Variants in LSM5 observed in about 807,000 individuals in gnomAD.
LSM5 encodes LSM5 homolog, U6 small nuclear RNA and mRNA degradation associated.
In LSM5, 8 loss-of-function variants were observed where a neutral mutation model predicts 13.8. The ratio of observed to expected loss-of-function variants is 0.58; its 90% CI spans 0.34 to 1.04. The LOEUF is 1.04. Among genes scored for constraint, LSM5 ranks in the 50% least tolerant of loss-of-function variants. The pLI is 0.03. For synonymous variants in LSM5, 35 were observed against 37.0 expected (o/e 0.95, Z 0.20); for missense variants, 80 against 108.1 (o/e 0.74, Z 1.15).
upstream of LSM5, chr7:32,495,049 C>G (rs73689721): frequency 0.046 from 7,032 of 152,110 alleles, 504 homozygotes; most frequent in African/African-American, 0.16. Context: ...GCCACAGAGG[C>G]AAAGGCAAGG....
chr7:32,488,013 C>A, intron 3 of LSM5: 1 of 418,976 alleles, frequency 2.4e-6, no homozygotes, highest in South Asian at 2.9e-5. Flanking sequence ...GAAAGCTTGC[C>A]CAGGAAATCA....
Position 32,490,338 on chromosome 7 carries a change from A to T in LSM5, c.28T>A (p.Ser10Thr). The change falls in exon 1 of 5, where the codon TCG (serine) becomes ACG (threonine). Residue 10 changes from serine (S) to threonine (T), a missense_variant. Coordinates refer to ENST00000450169, the MANE Select transcript of LSM5 (RefSeq NM_012322.3). ...CGATTACCTAAGGGCAGCAGCTGCGACGGGTTGGTAGTAGCGTTAGCCGCC... is the reference window on the plus strand; with the variant it reads ...CGATTACCTAAGGGCAGCAGCTGCGTCGGGTTGGTAGTAGCGTTAGCCGCC... MAANATTNP[S>T]QLLPLELVDK... The T allele has an allele frequency of 6.2e-7, 1 of 1,614,148 alleles. No individual in the cohort carries two copies. The highest frequency in any genetic ancestry group is 8.5e-7 in the Non-Finnish European group (1 of 1,180,010).
At chr7:32,491,232 A>C (rs1477000339), upstream of LSM5, among the ~76,000 whole-genome samples, 1 of 152,146 alleles carries the variant, frequency 6.6e-6, no homozygotes, top group Non-Finnish European at 1.5e-5. Flanking sequence ...CCCCGTCTCT[A>C]CTAAAAATAC....
At position 32,487,269 on chromosome 7, in the gene LSM5, C is replaced by T; in HGVS notation, c.268G>A (p.Glu90Lys). Residue 90 changes from glutamate (E) to lysine (K), a missense_variant, in exon 5 of 5, where the codon GAA (glutamate) becomes AAA (lysine). By Grantham distance (56) the Glu-to-Lys change is moderately conservative (BLOSUM62 1). Transcript: ENST00000450169. ...TMLVPGGEGP[E>K]V ...AAGTCAAGGAAACTCATTCACACTT[C>T]AGGTCCTTCTCCTCCAGGAACCAGC... 1 of 1,613,766 alleles carries T rather than the reference C, an allele frequency of 6.2e-7. No individual in the cohort carries two copies.
upstream of LSM5, among the ~76,000 whole-genome samples, chr7:32,494,721 G>T (rs1018930079): frequency 3.3e-5 from 5 of 152,202 alleles, no homozygotes; most frequent in African/African-American, 9.7e-5. Flanking sequence ...TGACAACAGA[G>T]CCCATATATT....
At position 32,490,343 on chromosome 7, in the gene LSM5, T is replaced by C; in HGVS notation, c.23A>G (p.Asn8Ser). The C allele has an allele frequency of 3.1e-6, 5 of 1,614,014 alleles. No individual in the cohort carries two copies. Among genetic ancestry groups the C allele is most frequent in the East Asian group, 2.2e-5 (1 of 44,868 alleles). ...ACCTAAGGGCAGCAGCTGCGACGGG[T>C]TGGTAGTAGCGTTAGCCGCCATGGC... is the stretch of plus-strand genomic sequence containing the variant. MAANATT[N>S]PSQLLPLELV... is the part of the protein sequence containing the mutation. The change falls in exon 1 of 5, where the codon AAC (asparagine) becomes AGC (serine). Residue 8 changes from asparagine to serine, a missense_variant. Transcript: ENST00000450169.
chr7:32,493,046 T>C (rs539402432), upstream of LSM5, among the ~76,000 whole-genome samples: 10 of 152,330 alleles, frequency 6.6e-5, no homozygotes, highest in East Asian at 1.9e-3. Flanking sequence ...CAGGCAACTG[T>C]AGCCCCAGCT....
At chr7:32,488,847 G>A (rs958979691) in intron 2 of LSM5, among the ~76,000 whole-genome samples, 195 bp from the exon 3 acceptor site, 2 of 152,100 alleles carry the variant, frequency 1.3e-5, no homozygotes, top group Admixed American at 6.5e-5. Flanking sequence ...CCTTAGCCCC[G>A]GAGATTAGCT....
At chr7:32,492,046 G>C (rs1427023133), upstream of LSM5, among the ~76,000 whole-genome samples, 3 of 152,146 alleles carry the variant, frequency 2.0e-5, no homozygotes, top group Non-Finnish European at 4.4e-5. Context: ...ACGAAGTAAT[G>C]CCAGATTTGT....
At chr7:32,491,261 G>T (rs530002010), upstream of LSM5, among the ~76,000 whole-genome samples, 1 of 152,240 alleles carries the variant, frequency 6.6e-6, no homozygotes, top group South Asian at 2.1e-4. Flanking sequence ...GCTGGGCGTG[G>T]TGGCGTGCGC....
upstream of LSM5, among the ~76,000 whole-genome samples, chr7:32,491,157 A>G (rs1786575694): frequency 6.6e-6 from 1 of 152,214 alleles, no homozygotes; most frequent in African/African-American, 2.4e-5. Flanking sequence ...GCACTTTGGA[A>G]GGCCGAGGCG....
chr7:32,488,329 C>A (rs760756552), intron 3 of LSM5: 10 of 308,212 alleles, frequency 3.2e-5, no homozygotes, highest in Non-Finnish European at 4.7e-5. Flanking sequence ...GCCACCATGT[C>A]CAGCCTAAAT....
intron 4 of LSM5, 70 bp downstream of exon 4, chr7:32,487,615 G>T: frequency 1.2e-6 from 1 of 841,720 alleles, no homozygotes; most frequent in Non-Finnish European, 2.1e-6. Context: ...CAACATTAAG[G>T]TTAGTTCTGT....
chr7:32,488,671 AAAAT>A lies in LSM5; in HGVS notation c.143-23_143-20del, dbSNP rs772284851. The A allele has an allele frequency of 4.5e-6, 7 of 1,562,888 alleles. No homozygotes were observed. The highest frequency in any genetic ancestry group is 4.1e-5 in the African/African-American group (3 of 73,876). Reference sequence around the variant, plus strand: ...ACCATATCTGAAATTTGGTGTTAAGAAAATAAATACAGAATTTACTCTAGCTTCT... The same window carrying A: ...ACCATATCTGAAATTTGGTGTTAAGAAAATACAGAATTTACTCTAGCTTCT... On this transcript the variant is annotated intron_variant, in intron 2 of 4. Transcript: ENST00000450169.
chr7:32,490,129 G>T (rs201264782), intron 1 of LSM5, 191 bp downstream of exon 1: 1 of 1,536,636 alleles, frequency 6.5e-7, no homozygotes. Context: ...CAAAGTCCTT[G>T]CCTGGAGGAG....
chr7:32,487,814 T>C, intron 3 of LSM5, 57 bp from the exon 4 acceptor site: 1 of 884,064 alleles, frequency 1.1e-6, no homozygotes, highest in South Asian at 1.3e-5. Context: ...AGCCAACATT[T>C]TGGAAATACT....
rs1319559490 is a variant in LSM5 at position 32,486,806 on chromosome 7, TACAAA to T, written c.*450_*454del. 4 of 178,396 alleles carry T rather than the reference TACAAA, an allele frequency of 2.2e-5. No homozygotes were observed. The highest frequency in any genetic ancestry group is 3.5e-5 in the Non-Finnish European group (3 of 86,056). The allele number at this position is 178,396 out of a possible 1,614,324, so 11.1% of individuals were successfully genotyped here. ...TTGAAATCAGAAGAAAAATCCTCATTACAAAACAACAGCATTTTAATTGAATTTTC... is the reference window on the plus strand; with the variant it reads ...TTGAAATCAGAAGAAAAATCCTCATTACAACAGCATTTTAATTGAATTTTC... On this transcript the variant is annotated 3_prime_UTR_variant, in exon 5 of 5. Transcript: ENST00000450169.
At chr7:32,494,664 T>TA (rs1271221857), upstream of LSM5, among the ~76,000 whole-genome samples, 3 of 152,198 alleles carry the variant, frequency 2.0e-5, no homozygotes, top group Non-Finnish European at 2.9e-5. Flanking sequence ...ATTCACTGCT[T>TA]AAAAAAGAAT....
intron 4 of LSM5, 85 bp from the exon 5 acceptor site, chr7:32,487,378 C>T: frequency 1.9e-6 from 2 of 1,073,304 alleles, no homozygotes; most frequent in Non-Finnish European, 2.9e-6. Flanking sequence ...GCCACCTTTG[C>T]CTGTCCCCTG....
Sources: allele counts gnomAD v4.1 joint callset (sites outside exome capture counted in the v4.1 genomes callset), GRCh38; gene constraint gnomAD v4.1.1; transcripts MANE v1.5; gene names NCBI Gene and HGNC (gene_info 2026-07-23, HGNC 2026-07-21).